Variants in LRBA observed in about 807,000 individuals in gnomAD.
LRBA encodes the protein LPS responsive beige-like anchor protein.
Under a neutral mutation model 330.0 loss-of-function variants are expected in LRBA, and 176 were observed. That is an observed-to-expected ratio of 0.53 (90% CI 0.47 to 0.60). The LOEUF (loss-of-function observed/expected upper bound fraction) is 0.60, where lower values mean the gene tolerates loss of function less well. LRBA is among the 20% of genes least tolerant of loss of function. The pLI is 0.00. For synonymous variants in LRBA, 1,230 were observed against 1,193.0 expected (o/e 1.03, Z -0.64); for missense variants, 3,259 against 3,444.8 (o/e 0.95, Z 1.35).
chr4:151,014,285 C>A, intron 2 of LRBA, 142 bp downstream of exon 2: 1 of 617,972 alleles, frequency 1.6e-6, no homozygotes, highest in Non-Finnish European at 2.9e-6. Context: ...GAAATTGTTT[C>A]ATTTAGGTGA....
intron 35 of LRBA, among the ~76,000 whole-genome samples, chr4:150,744,799 A>T (rs1732473892): frequency 6.6e-6 from 1 of 152,204 alleles, no homozygotes; most frequent in Non-Finnish European, 1.5e-5. Context: ...CTTGAGTTCA[A>T]CCTGGGCAGA....
At chr4:150,460,905 G>A (rs949513136) in intron 44 of LRBA, among the ~76,000 whole-genome samples, 1 of 151,808 alleles carries the variant, frequency 6.6e-6, no homozygotes, top group East Asian at 1.9e-4. Context: ...CTTTTACTAG[G>A]ATAGTAATGA....
intron 2 of LRBA, among the ~76,000 whole-genome samples, chr4:150,944,448 G>A (rs1736020640): frequency 6.6e-6 from 1 of 152,018 alleles, no homozygotes; most frequent in Admixed American, 6.5e-5. Context: ...AGTAACTTCT[G>A]AACATGGGTT....
chr4:150,600,956 G>A (rs537632187), intron 37 of LRBA, among the ~76,000 whole-genome samples: 14 of 152,118 alleles, frequency 9.2e-5, no homozygotes, highest in African/African-American at 3.1e-4. Context: ...GGATGCAGTC[G>A]TGAATCACAG....
intron 44 of LRBA, among the ~76,000 whole-genome samples, chr4:150,447,949 C>T (rs7698975): frequency 0.86 from 131,225 of 152,144 alleles, 57,648 homozygotes; most frequent in Non-Finnish European, 0.96. Flanking sequence ...TTTAACAACA[C>T]GTGGAGGTCA....
chr4:150,720,580 G>A (rs1038956274), intron 36 of LRBA, among the ~76,000 whole-genome samples: 33 of 151,998 alleles, frequency 2.2e-4, no homozygotes, highest in South Asian at 1.2e-3. Flanking sequence ...AGCAACTAAG[G>A]AATAACTAAT....
rs929970154 is a variant in LRBA at position 150,698,150 on chromosome 4, G to A, written c.5755-14433C>T. ...TATTAATAAACCAGAAACAACAATAGCCAATATTCTAAGTGCACATGAGAA... is the reference window on the plus strand; with the variant it reads ...TATTAATAAACCAGAAACAACAATAACCAATATTCTAAGTGCACATGAGAA... On this transcript the variant is annotated intron_variant, in intron 36 of 56. Transcript: ENST00000651943. Among the ~76,000 whole-genome samples the A allele has an allele frequency of 6.6e-5, 10 of 152,098 alleles. No individual in the cohort carries two copies. In the East Asian group the frequency reaches 1.9e-3, roughly 29 times the overall value.
At chr4:150,978,764 T>C (rs1740503185) in intron 2 of LRBA, among the ~76,000 whole-genome samples, 1 of 152,164 alleles carries the variant, frequency 6.6e-6, no homozygotes, top group African/African-American at 2.4e-5. Context: ...TCAGAGTCTC[T>C]TAACAGAATT....
At chr4:150,822,787 C>T (rs1036047351) in intron 30 of LRBA, among the ~76,000 whole-genome samples, 3 of 152,026 alleles carry the variant, frequency 2.0e-5, no homozygotes, top group Non-Finnish European at 4.4e-5. Flanking sequence ...TGAAGCCAGG[C>T]GCAGTGGCTG....
At chr4:150,855,134 T>A (rs1474493076) in intron 22 of LRBA, among the ~76,000 whole-genome samples, 1 of 152,208 alleles carries the variant, frequency 6.6e-6, no homozygotes, top group Non-Finnish European at 1.5e-5. Context: ...GGCACACACC[T>A]GTAATCCCAG....
At chr4:150,513,639 C>A (rs1762055205) in intron 40 of LRBA, among the ~76,000 whole-genome samples, 1 of 152,182 alleles carries the variant, frequency 6.6e-6, no homozygotes, top group Non-Finnish European at 1.5e-5. Context: ...TTGGTTCCTG[C>A]TGAGGGCTCT....
intron 17 of LRBA, among the ~76,000 whole-genome samples, chr4:150,882,998 C>T (rs1016958309): frequency 1.3e-5 from 2 of 152,192 alleles, no homozygotes; most frequent in African/African-American, 4.8e-5. Flanking sequence ...GGAAATGTTA[C>T]TGATGACTAT....
intron 28 of LRBA, among the ~76,000 whole-genome samples, chr4:150,833,464 C>A (rs1007657784): frequency 6.6e-6 from 1 of 152,004 alleles, no homozygotes; most frequent in Non-Finnish European, 1.5e-5. Flanking sequence ...GGTTTAGTTC[C>A]GGACCACTGC....
At chr4:150,492,414 T>C (rs1352982991) in intron 40 of LRBA, among the ~76,000 whole-genome samples, 1 of 152,110 alleles carries the variant, frequency 6.6e-6, no homozygotes. Flanking sequence ...AATCAACGCC[T>C]ATGTAAAATA....
In LRBA at chr4:150,797,118, A is replaced by AT. The variant is rs535534442; in HGVS notation, c.5580+962dup. On this transcript the variant is annotated intron_variant, in intron 34 of 56. Coordinates refer to ENST00000651943, the MANE Select transcript of LRBA (RefSeq NM_001364905.1). ...ACCTTATTGACAATGCATAGTATTG[A>AT]TTTTTCACACCTTCTATGATTCTTT... Among the ~76,000 whole-genome samples the AT allele has an allele frequency of 1.8e-4, 27 of 152,016 alleles. No homozygotes were observed. In the South Asian group the frequency reaches 3.7e-3, roughly 21 times the overall value.
chr4:150,283,357 G>A (rs963963685), intron 54 of LRBA, among the ~76,000 whole-genome samples: 3 of 152,170 alleles, frequency 2.0e-5, no homozygotes, highest in Non-Finnish European at 4.4e-5. Context: ...CAGCTACTGG[G>A]AGCCCACACA....
rs181485175 is a variant in LRBA at position 150,446,456 on chromosome 4, T to A, written c.6781-9592A>T. 9.2e-5 allele frequency among the ~76,000 whole-genome samples: 14 copies of A among 152,304 alleles called. No homozygotes were observed. In the East Asian group the frequency reaches 2.7e-3, roughly 29 times the overall value. On this transcript the variant is annotated intron_variant, in intron 44 of 56. Coordinates refer to ENST00000651943, the MANE Select transcript of LRBA (RefSeq NM_001364905.1). The stretch of plus-strand genomic sequence containing the variant: ...CTTAAGAATAGCCATGGGTCATACA[T>A]AAGAGCTGGTAAATGTTGATAACGC...
At chr4:150,784,638 C>T (rs1257935911) in intron 34 of LRBA, among the ~76,000 whole-genome samples, 3 of 152,226 alleles carry the variant, frequency 2.0e-5, no homozygotes, top group African/African-American at 4.8e-5. Flanking sequence ...TGACTGGTAT[C>T]CACTGCATTT....
At chr4:150,719,427 G>A (rs1728642730) in intron 36 of LRBA, among the ~76,000 whole-genome samples, 1 of 152,028 alleles carries the variant, frequency 6.6e-6, no homozygotes. Context: ...GGTTAGGATG[G>A]TAGGCTGATA....
Sources: allele counts gnomAD v4.1 joint callset (sites outside exome capture counted in the v4.1 genomes callset), GRCh38; gene constraint gnomAD v4.1.1; transcripts MANE v1.5; gene names NCBI Gene and HGNC (gene_info 2026-07-23, HGNC 2026-07-21).